KCNIP4: variants seen among roughly 807,000 people sequenced by gnomAD.
KCNIP4 encodes Kv channel-interacting protein 4.
A neutral mutation model predicts 34.0 loss-of-function variants in KCNIP4; 12 were observed. That is an observed-to-expected ratio of 0.35 (90% confidence interval 0.23 to 0.57). The LOEUF (loss-of-function observed/expected upper bound fraction) is 0.57. KCNIP4 is among the 20% of genes least tolerant of loss of function. The pLI is 0.83. For missense variants in KCNIP4, 238 were observed against 311.7 expected (o/e 0.76, Z 1.78); for synonymous variants, 124 against 102.2 (o/e 1.21, Z -1.29).
chr4:21,619,458 GCTGTA>G (rs1744856866), intron 1 of KCNIP4, among the ~76,000 whole-genome samples: 1 of 152,160 alleles, frequency 6.6e-6, no homozygotes, highest in Non-Finnish European at 1.5e-5. Flanking sequence ...CTTGTTGTTA[GCTGTA>G]CTGCATACTT....
chr4:21,657,283 T>A (rs1247963406), intron 1 of KCNIP4, among the ~76,000 whole-genome samples: 2 of 152,200 alleles, frequency 1.3e-5, no homozygotes, highest in Admixed American at 1.3e-4. Context: ...TCAGTGAGCA[T>A]TAGTGTGTTG....
rs547464463 is a variant in KCNIP4, at chr4:21,865,574, G to A, written c.61+82997C>T. ...GTTTATTTTTTTGAGATGGAGTTTC[G>A]CTCTTGTTGCCCAGGCTGGAGTGCA... On this transcript the variant is annotated intron_variant, in intron 1 of 8. Coordinates refer to ENST00000382152, the MANE Select transcript of KCNIP4 (RefSeq NM_025221.6). Among the ~76,000 whole-genome samples the A allele has an allele frequency of 5.9e-5, 9 of 151,594 alleles. No individual in the cohort carries two copies. In the South Asian group the frequency reaches 8.4e-4, roughly 14 times the overall value.
intron 1 of KCNIP4, among the ~76,000 whole-genome samples, chr4:21,718,049 A>C (rs1714522154): frequency 6.6e-6 from 1 of 152,206 alleles, no homozygotes; most frequent in South Asian, 2.1e-4. Context: ...AAAATAAAAA[A>C]CCATACATTC....
At chr4:21,922,792 G>A (rs536234933) in intron 1 of KCNIP4, among the ~76,000 whole-genome samples, 3 of 152,296 alleles carry the variant, frequency 2.0e-5, no homozygotes, top group East Asian at 3.9e-4. Context: ...ACATATAAAT[G>A]AGTCAGAGGT....
At chr4:20,967,319 A>T (rs570203760) in intron 1 of KCNIP4, among the ~76,000 whole-genome samples, 1 of 152,344 alleles carries the variant, frequency 6.6e-6, no homozygotes, top group East Asian at 1.9e-4. Flanking sequence ...GCTCATGGAT[A>T]GGAAGAATCA....
At chr4:21,830,391 C>G (rs182972035) in intron 1 of KCNIP4, among the ~76,000 whole-genome samples, 3 of 152,000 alleles carry the variant, frequency 2.0e-5, no homozygotes, top group Non-Finnish European at 4.4e-5. Flanking sequence ...TAGTAGGAAA[C>G]TGGCCAGGCA....
intron 1 of KCNIP4, among the ~76,000 whole-genome samples, chr4:21,104,457 T>C (rs1426513618): frequency 6.6e-6 from 1 of 152,198 alleles, no homozygotes; most frequent in Non-Finnish European, 1.5e-5. Context: ...TTTTTTCTTG[T>C]AAATTTGTTT....
intron 1 of KCNIP4, among the ~76,000 whole-genome samples, chr4:21,595,323 A>G (rs1742559861): frequency 6.6e-6 from 1 of 152,142 alleles, no homozygotes; most frequent in African/African-American, 2.4e-5. Context: ...ACATGAACTC[A>G]TTCTTTTTTA....
At chr4:20,950,867 CTT>C (rs746561415) in intron 1 of KCNIP4, among the ~76,000 whole-genome samples, 1 of 152,006 alleles carries the variant, frequency 6.6e-6, no homozygotes, top group Non-Finnish European at 1.5e-5. Context: ...TTTTGCTTAC[CTT>C]TTTTTCTTCC....
At chr4:21,489,218 C>T (rs1275022870) in intron 1 of KCNIP4, among the ~76,000 whole-genome samples, 1 of 150,086 alleles carries the variant, frequency 6.7e-6, no homozygotes. Flanking sequence ...TAGCACTGTG[C>T]TTGGCAATGA....
intron 1 of KCNIP4, among the ~76,000 whole-genome samples, chr4:20,911,924 C>T (rs906978719): frequency 6.6e-6 from 1 of 152,200 alleles, no homozygotes; most frequent in African/African-American, 2.4e-5. Context: ...GGATACCACA[C>T]TGAAATTTCT....
At chr4:20,737,763 G>C (rs1279490263) in intron 5 of KCNIP4, among the ~76,000 whole-genome samples, 2 of 152,170 alleles carry the variant, frequency 1.3e-5, no homozygotes, top group Non-Finnish European at 2.9e-5. Flanking sequence ...CCATATTTTA[G>C]AAAATTATTT....
intron 1 of KCNIP4, among the ~76,000 whole-genome samples, chr4:21,663,721 T>G (rs1455529127): frequency 6.6e-6 from 1 of 152,214 alleles, no homozygotes; most frequent in Non-Finnish European, 1.5e-5. Flanking sequence ...GCACACACTC[T>G]GGGACATCCT....
chr4:21,006,589 C>T (rs1738574054), intron 1 of KCNIP4, among the ~76,000 whole-genome samples: 1 of 152,060 alleles, frequency 6.6e-6, no homozygotes, highest in South Asian at 2.1e-4. Context: ...ACATCAAGAG[C>T]TATAATGGAG....
At chr4:21,872,252 T>A (rs1464244725) in intron 1 of KCNIP4, among the ~76,000 whole-genome samples, 1 of 152,138 alleles carries the variant, frequency 6.6e-6, no homozygotes, top group Non-Finnish European at 1.5e-5. Context: ...CCAACCCACC[T>A]ACCTTCTTTC....
intron 2 of KCNIP4, among the ~76,000 whole-genome samples, chr4:20,864,362 T>A (rs1385268106): frequency 1.3e-5 from 2 of 151,056 alleles, no homozygotes; most frequent in Non-Finnish European, 3.0e-5. Flanking sequence ...AACATGTATA[T>A]ATGTATGTTA....
chr4:21,710,025 C>T (rs1441874282), intron 1 of KCNIP4, among the ~76,000 whole-genome samples: 1 of 152,176 alleles, frequency 6.6e-6, no homozygotes, highest in African/African-American at 2.4e-5. Flanking sequence ...CATTGGCATG[C>T]CCTGCTGGAA....
chr4:20,779,564 C>G (rs1482458809), intron 3 of KCNIP4, among the ~76,000 whole-genome samples: 1 of 120,614 alleles, frequency 8.3e-6, no homozygotes, highest in African/African-American at 3.0e-5. Flanking sequence ...TACAAGTCCC[C>G]CCTGCCCCAC....
intron 1 of KCNIP4, among the ~76,000 whole-genome samples, chr4:21,889,254 T>C (rs759509366): frequency 2.8e-4 from 43 of 152,228 alleles, no homozygotes; most frequent in African/African-American, 9.9e-4. Context: ...AAATATTGTA[T>C]AAAATTATCC....
Sources: allele counts gnomAD v4.1 joint callset (sites outside exome capture counted in the v4.1 genomes callset), GRCh38; gene constraint gnomAD v4.1.1; transcripts MANE v1.5; gene names NCBI Gene and HGNC (gene_info 2026-07-23, HGNC 2026-07-21).